LRP1B: variants seen among roughly 807,000 people sequenced by gnomAD.
LRP1B encodes the protein low-density lipoprotein receptor-related protein 1B.
In LRP1B, 217 loss-of-function variants were observed where a neutral mutation model predicts 556.6. The observed-to-expected ratio is 0.39, with a 90% CI of 0.35 to 0.44. The LOEUF is 0.44. Ranked by LOEUF, LRP1B falls within the 20% of genes least tolerant of loss-of-function variation. The probability of loss-of-function intolerance (pLI) is 1.00; values close to 1 mark genes in which losing one functional copy is unlikely to be tolerated. For missense variants in LRP1B, 5,053 were observed against 5,620.8 expected (o/e 0.90, Z 3.23); for synonymous variants, 2,047 against 1,865.8 (o/e 1.10, Z -2.50).
chr2:140,457,389 C>T lies in LRP1B; in HGVS notation c.9814+74G>A, dbSNP rs886968645. 121 of 1,175,078 alleles carry T rather than the reference C, an allele frequency of 1.0e-4. 1 individual carries two copies. The highest frequency in any genetic ancestry group is 3.7e-5 in the Non-Finnish European group (30 of 810,368). The allele number at this position is 1,175,078 out of a possible 1,614,324, so 72.8% of individuals were successfully genotyped here. The stretch of plus-strand genomic sequence containing the variant: ...CATCAAAAATAAAATTACATTTAAC[C>T]TTGAAATAATAAAAAATGGAATGTT... On this transcript the variant is annotated intron_variant, in intron 61 of 90. Transcript: ENST00000389484.
intron 59 of LRP1B, among the ~76,000 whole-genome samples, chr2:140,476,669 C>A (rs557155877): frequency 2.6e-5 from 4 of 151,846 alleles, no homozygotes; most frequent in African/African-American, 9.6e-5. Flanking sequence ...AAAGATAATA[C>A]AAAAGTTATT....
At chr2:141,733,602 C>T (rs7572204) in intron 2 of LRP1B, among the ~76,000 whole-genome samples, 260 of 152,212 alleles carry the variant, frequency 1.7e-3, no homozygotes, top group African/African-American at 5.2e-3. Context: ...CTTAGCTGGG[C>T]TCAAGGCTCT....
In LRP1B at chr2:140,813,703, C is replaced by G. The variant is rs1378027813; in HGVS notation, c.5313G>C (p.Glu1771Asp). The G allele has an allele frequency of 6.2e-7, 1 of 1,613,270 alleles. No individual in the cohort carries two copies. The highest frequency in any genetic ancestry group is 1.1e-5 in the South Asian group (1 of 91,050). ...CTTTTGTTAATTCTTCTTTCATTGACTCGATTACTTCTAAATTACCACCAT... is the reference window on the plus strand; with the variant it reads ...CTTTTGTTAATTCTTCTTTCATTGAGTCGATTACTTCTAAATTACCACCAT... ...NLDGGNLEVI[E>D]SMKEELTKAT... The change falls in exon 32 of 91, where the codon GAG becomes GAC. Residue 1771 changes from glutamate (E) to aspartate (D), a missense_variant. Glu to Asp is a conservative substitution (Grantham distance 45). Around this residue, in one of 5 missense-constraint regions of LRP1B, gnomAD observed 3,619 missense variants for 3,931.9 expected, o/e 0.92. Transcript: ENST00000389484.
At chr2:141,383,962 T>C (rs768605972) in intron 3 of LRP1B, among the ~76,000 whole-genome samples, 6 of 152,156 alleles carry the variant, frequency 3.9e-5, no homozygotes, top group Non-Finnish European at 7.4e-5. Context: ...TTAATGACAT[T>C]CTATACGTAA....
At chr2:140,701,875 C>A (rs777587104) in intron 39 of LRP1B, 30 bp from the exon 40 acceptor site, 8 of 1,611,270 alleles carry the variant, frequency 5.0e-6, no homozygotes, top group Non-Finnish European at 6.8e-6. Flanking sequence ...ACATGATCAA[C>A]AATCTTCGAC....
intron 2 of LRP1B, among the ~76,000 whole-genome samples, chr2:141,759,141 T>C (rs1438793237): frequency 6.6e-6 from 1 of 152,100 alleles, no homozygotes; most frequent in Non-Finnish European, 1.5e-5. Flanking sequence ...AATGAAAGAA[T>C]CTATAGACTA....
intron 11 of LRP1B, among the ~76,000 whole-genome samples, chr2:141,036,986 G>A (rs994666010): frequency 7.9e-5 from 12 of 152,002 alleles, no homozygotes; most frequent in African/African-American, 2.4e-4. Context: ...ACCCAGACAC[G>A]CAGGACCTAA....
At chr2:141,739,891 T>C (rs1398951175) in intron 2 of LRP1B, among the ~76,000 whole-genome samples, 3 of 152,132 alleles carry the variant, frequency 2.0e-5, no homozygotes, top group Non-Finnish European at 4.4e-5. Context: ...ATTTTCTTTA[T>C]GATATCTGTC....
chr2:141,299,369 G>C (rs974477909), intron 3 of LRP1B, among the ~76,000 whole-genome samples: 2 of 152,138 alleles, frequency 1.3e-5, no homozygotes, highest in African/African-American at 4.8e-5. Flanking sequence ...ATTTTTGATT[G>C]TTGTAATGGT....
rs1235390188 is a variant in LRP1B at position 141,285,452 on chromosome 2, TTTC to T, written c.344-30814_344-30812del. Among the ~76,000 whole-genome samples the T allele has an allele frequency of 3.6e-4, 51 of 143,516 alleles. 1 individual carries two copies. Among genetic ancestry groups the T allele is most frequent in the African/African-American group, 1.3e-3 (49 of 36,726 alleles). The allele number at this position is 143,516 out of a possible 152,430, so 94.2% of individuals were successfully genotyped here. A position where few individuals can be genotyped will look rare whatever the true frequency, so the allele number is the denominator to read the frequency against. ...ATAGAAAAGGTGAGAATAATTTTTTTTTCTTTTTTTTTTTTTTTTTTGAGATGG... is the reference window on the plus strand; with the variant it reads ...ATAGAAAAGGTGAGAATAATTTTTTTTTTTTTTTTTTTTTTTTTGAGATGG... On this transcript the variant is annotated intron_variant, in intron 3 of 90. Transcript: ENST00000389484.
At chr2:141,393,220 A>AACAT (rs970480026) in intron 3 of LRP1B, among the ~76,000 whole-genome samples, 5 of 151,816 alleles carry the variant, frequency 3.3e-5, no homozygotes, top group African/African-American at 1.2e-4. Flanking sequence ...AAAACACATA[A>AACAT]ACATACACAC....
At chr2:141,902,095 A>G (rs1340580543) in intron 1 of LRP1B, among the ~76,000 whole-genome samples, 11 of 151,622 alleles carry the variant, frequency 7.3e-5, no homozygotes, top group Admixed American at 6.6e-4. Flanking sequence ...TCTTACTAAA[A>G]TGTTTTATAT....
At chr2:141,276,567 A>G (rs1685295886) in intron 3 of LRP1B, among the ~76,000 whole-genome samples, 1 of 151,910 alleles carries the variant, frequency 6.6e-6, no homozygotes, top group South Asian at 2.1e-4. Context: ...CTGTTCCTGC[A>G]TTAGTTTGCT....
chr2:141,202,258 T>C (rs1282030017), intron 6 of LRP1B, among the ~76,000 whole-genome samples: 1 of 152,186 alleles, frequency 6.6e-6, no homozygotes, highest in Non-Finnish European at 1.5e-5. Context: ...GTTTTGTTTT[T>C]GTGGCTGCAT....
chr2:141,686,793 A>G (rs1691324230), intron 2 of LRP1B, among the ~76,000 whole-genome samples: 2 of 152,076 alleles, frequency 1.3e-5, no homozygotes, highest in South Asian at 4.1e-4. Flanking sequence ...CAGTAGATTA[A>G]AGGGTTAATG....
chr2:140,764,694 T>A (rs921090088), intron 35 of LRP1B, among the ~76,000 whole-genome samples: 8 of 152,124 alleles, frequency 5.3e-5, no homozygotes, highest in Admixed American at 2.6e-4. Context: ...TCCCATATAT[T>A]CCTTCCGCCA....
intron 2 of LRP1B, among the ~76,000 whole-genome samples, chr2:141,596,544 T>C (rs1374113261): frequency 6.6e-6 from 1 of 152,026 alleles, no homozygotes; most frequent in African/African-American, 2.4e-5. Flanking sequence ...ACAGAATACA[T>C]TCCTAAAGCA....
At chr2:140,856,818 G>A (rs1259960764) in intron 27 of LRP1B, among the ~76,000 whole-genome samples, 1 of 151,712 alleles carries the variant, frequency 6.6e-6, no homozygotes, top group Non-Finnish European at 1.5e-5. Context: ...ATCTATTATT[G>A]TGTTAGAGGT....
At chr2:142,023,022 G>C (rs1276988430) in intron 1 of LRP1B, among the ~76,000 whole-genome samples, 1 of 152,142 alleles carries the variant, frequency 6.6e-6, no homozygotes, top group African/African-American at 2.4e-5. Context: ...CACAGCTAAA[G>C]ATCAATGGAG....
Sources: gnomAD v4.1 joint callset for allele counts (sites outside exome capture counted in the v4.1 genomes callset) on GRCh38, gnomAD v4.1.1 for gene constraint, gnomAD v4.1.1 regional missense constraint, MANE v1.5 for transcripts, NCBI Gene and HGNC (gene_info 2026-07-23, HGNC 2026-07-21) for gene names.